KIT: variants seen among roughly 807,000 people sequenced by gnomAD.
KIT encodes mast/stem cell growth factor receptor Kit.
Under a neutral mutation model 105.7 loss-of-function variants are expected in KIT, and 16 were observed. That is an observed-to-expected ratio of 0.15 (90% CI 0.10 to 0.23). The LOEUF (loss-of-function observed/expected upper bound fraction) is 0.23, where lower values mean the gene tolerates loss of function less well. Among genes scored for constraint, KIT ranks in the 10% least tolerant of loss-of-function variants. The pLI, the probability that KIT is intolerant of heterozygous loss-of-function variation, is 1.00. For missense variants in KIT, 858 were observed against 1,213.8 expected (o/e 0.71, Z 4.36); for synonymous variants, 438 against 441.1 (o/e 0.99, Z 0.09).
At chr4:54,673,168 G>T (rs955514400) in intron 1 of KIT, among the ~76,000 whole-genome samples, 1 of 152,072 alleles carries the variant, frequency 6.6e-6, no homozygotes, top group African/African-American at 2.4e-5. Flanking sequence ...CAATGTGCTC[G>T]CTGCTTTAAT....
chr4:54,710,964 T>C (rs966864990), intron 7 of KIT, among the ~76,000 whole-genome samples: 1 of 152,212 alleles, frequency 6.6e-6, no homozygotes, highest in Non-Finnish European at 1.5e-5. Flanking sequence ...ACTATATCCT[T>C]GTACTCCTAG....
chr4:54,691,178 G>A (rs1018783202), intron 1 of KIT, among the ~76,000 whole-genome samples: 14 of 152,000 alleles, frequency 9.2e-5, no homozygotes, highest in African/African-American at 3.4e-4. Flanking sequence ...ATAGGGACTG[G>A]GTGTTTAGGA....
chr4:54,666,896 C>A (rs970746448), intron 1 of KIT, among the ~76,000 whole-genome samples: 4 of 152,136 alleles, frequency 2.6e-5, no homozygotes, highest in African/African-American at 4.8e-5. Flanking sequence ...ATATTGATAA[C>A]AGCAAGTAAA....
At chr4:54,690,410 C>T (rs1282094485) in intron 1 of KIT, among the ~76,000 whole-genome samples, 1 of 152,168 alleles carries the variant, frequency 6.6e-6, no homozygotes, top group Non-Finnish European at 1.5e-5. Context: ...GAGCGAAGGC[C>T]ATTTTCTAGG....
chr4:54,722,676 G>C (rs1721949730), intron 7 of KIT, among the ~76,000 whole-genome samples: 1 of 151,946 alleles, frequency 6.6e-6, no homozygotes, highest in Non-Finnish European at 1.5e-5. Flanking sequence ...CCGAGTATAA[G>C]TGCATCTTCC....
intron 8 of KIT, among the ~76,000 whole-genome samples, chr4:54,724,126 G>A (rs1423722927): frequency 6.6e-6 from 1 of 152,146 alleles, no homozygotes; most frequent in African/African-American, 2.4e-5. Flanking sequence ...ACATACATAT[G>A]GCATTTGCAA....
intron 1 of KIT, among the ~76,000 whole-genome samples, chr4:54,693,498 G>C (rs1719853420): frequency 6.6e-6 from 1 of 152,030 alleles, no homozygotes; most frequent in Admixed American, 6.5e-5. Context: ...AGGTGTCACT[G>C]GACCACCATC....
chr4:54,672,498 T>C (rs1375788705), intron 1 of KIT, among the ~76,000 whole-genome samples: 2 of 152,186 alleles, frequency 1.3e-5, no homozygotes, highest in African/African-American at 4.8e-5. Context: ...CTATTTTCCA[T>C]TGTTGCTACC....
chr4:54,729,097 C>T (rs1722420949), intron 13 of KIT, among the ~76,000 whole-genome samples: 1 of 152,132 alleles, frequency 6.6e-6, no homozygotes, highest in Admixed American at 6.5e-5. Flanking sequence ...TGCTTGGCTC[C>T]AAATACTAAT....
Position 54,737,376 on chromosome 4 carries a change from C to A in KIT, c.2802+96C>A. The A allele has an allele frequency of 3.6e-6, 3 of 827,928 alleles. No individual in the cohort carries two copies. The South Asian group carries it at 4.1e-5, about 11-fold the overall frequency. The allele number at this position is 827,928 out of a possible 1,614,324, so 51.3% of individuals were successfully genotyped here. On this transcript the variant is annotated intron_variant, in intron 20 of 20. Transcript: ENST00000288135. ...TCAGGGTGAGGACTAACCTCCCAAC[C>A]CCTTCTCTCCTAATCTTAGGTTGCA...
intron 1 of KIT, among the ~76,000 whole-genome samples, chr4:54,659,518 T>A (rs909612187): frequency 1.3e-5 from 2 of 152,194 alleles, no homozygotes; most frequent in Non-Finnish European, 2.9e-5. Flanking sequence ...ACCGGTCAGT[T>A]TCTCTATAAA....
At chr4:54,680,227 A>G (rs1718803622) in intron 1 of KIT, among the ~76,000 whole-genome samples, 2 of 152,168 alleles carry the variant, frequency 1.3e-5, no homozygotes, top group African/African-American at 4.8e-5. Context: ...ATGTGTATAT[A>G]TACACATGCA....
chr4:54,733,244 C>T (rs1436284527), intron 17 of KIT, 52 bp downstream of exon 17: 1 of 1,590,700 alleles, frequency 6.3e-7, no homozygotes, highest in South Asian at 1.1e-5. Context: ...TTAGTTTCAA[C>T]TTTCGATAAA....
At chr4:54,680,036 C>A (rs1032431547) in intron 1 of KIT, among the ~76,000 whole-genome samples, 2 of 152,080 alleles carry the variant, frequency 1.3e-5, no homozygotes, top group Non-Finnish European at 2.9e-5. Flanking sequence ...AGTCATTATG[C>A]AATATTTCTG....
At chr4:54,700,085 A>G (rs1236730833) in intron 4 of KIT, among the ~76,000 whole-genome samples, 1 of 152,244 alleles carries the variant, frequency 6.6e-6, no homozygotes, top group Non-Finnish European at 1.5e-5. Context: ...AACTGCATGA[A>G]TACTTTGATT....
In KIT at chr4:54,740,269, AC is replaced by A. The variant is rs1367281987; in HGVS notation, c.*1715del. 2 of 233,424 alleles carry A rather than the reference AC, an allele frequency of 8.6e-6. No individual in the cohort carries two copies. Among genetic ancestry groups the A allele is most frequent in the African/African-American group, 2.2e-5 (1 of 45,326 alleles). The allele number at this position is 233,424 out of a possible 1,614,324, so 14.5% of individuals were successfully genotyped here. On this transcript the variant is annotated 3_prime_UTR_variant, in exon 21 of 21. Transcript: ENST00000288135. The stretch of plus-strand genomic sequence containing the variant: ...TAACAGATTTTGGGGTTGTGTTGTC[AC>A]CCAAGAGATTGTTGTTTGCCATACT...
At chr4:54,703,400 C>A (rs1193173327) in intron 4 of KIT, among the ~76,000 whole-genome samples, 2 of 152,164 alleles carry the variant, frequency 1.3e-5, no homozygotes, top group African/African-American at 4.8e-5. Context: ...TACAAAATAT[C>A]AGTATCCCAT....
At chr4:54,709,315 G>A in intron 6 of KIT, 109 bp from the exon 7 acceptor site, 2 of 747,330 alleles carry the variant, frequency 2.7e-6, no homozygotes, top group Non-Finnish European at 4.9e-6. Flanking sequence ...AATTAAATGA[G>A]TTATATTTTT....
chr4:54,668,676 A>G (rs1717880655), intron 1 of KIT, among the ~76,000 whole-genome samples: 1 of 152,222 alleles, frequency 6.6e-6, no homozygotes, highest in Non-Finnish European at 1.5e-5. Context: ...TTCTGGGGAA[A>G]ATATTTACTG....
Sources: gnomAD v4.1 joint callset for allele counts (sites outside exome capture counted in the v4.1 genomes callset) on GRCh38, gnomAD v4.1.1 for gene constraint, MANE v1.5 for transcripts, NCBI Gene and HGNC (gene_info 2026-07-23, HGNC 2026-07-21) for gene names.